ARHGAP18: variants seen among roughly 807,000 people sequenced by gnomAD.
ARHGAP18 encodes Rho GTPase activating protein 18.
A neutral mutation model predicts 86.2 loss-of-function variants in ARHGAP18; 67 were observed. The ratio of observed to expected loss-of-function variants is 0.78; its 90% confidence interval spans 0.64 to 0.95. ARHGAP18 has a LOEUF of 0.95. Among genes scored for constraint, ARHGAP18 ranks in the 40% least tolerant of loss-of-function variants. The pLI is 0.00. For synonymous variants in ARHGAP18, 283 were observed against 280.4 expected (o/e 1.01, Z -0.09); for missense variants, 691 against 780.4 (o/e 0.89, Z 1.37).
chr6:129,669,821 A>G (rs1206582315), intron 1 of ARHGAP18, among the ~76,000 whole-genome samples: 4 of 152,120 alleles, frequency 2.6e-5, no homozygotes, highest in Non-Finnish European at 5.9e-5. Context: ...AATAACTAAA[A>G]TAATATAGAT....
intron 1 of ARHGAP18, among the ~76,000 whole-genome samples, chr6:129,649,553 CAAAAAAAAAAA>C (rs35700328): frequency 1.4e-4 from 7 of 49,992 alleles, no homozygotes; most frequent in African/African-American, 4.8e-4. Context: ...TCTCTGTCTC[CAAAAAAAAAAA>C]AAAAAAAAAA....
intron 13 of ARHGAP18, among the ~76,000 whole-genome samples, chr6:129,581,408 C>T (rs1287308413): frequency 6.6e-6 from 1 of 152,072 alleles, no homozygotes. Context: ...ATAATTTAAT[C>T]ATTATTATTT....
intron 10 of ARHGAP18, among the ~76,000 whole-genome samples, chr6:129,605,574 TAAG>T (rs1470713639): frequency 3.3e-5 from 5 of 151,340 alleles, no homozygotes; most frequent in Non-Finnish European, 7.4e-5. Flanking sequence ...AAAAAAGAAA[TAAG>T]AAGGAGAAAA....
Position 129,638,457 on chromosome 6 carries a change from G to C in ARHGAP18, c.489C>G (p.Asn163Lys), listed in dbSNP as rs1562704815. ...TGACGTCAGGAATCTGGTACTGTTT[G>C]TTTTTTTTCCTCAAGGTCTGGGAGA... ...ETVSQTLRKK[N>K]KQYQIPDVRD... Residue 163 changes from asparagine (N) to lysine (K), a missense_variant, in exon 3 of 15, where the codon AAC (asparagine) becomes AAG (lysine). Coordinates refer to ENST00000368149, the MANE Select transcript of ARHGAP18 (RefSeq NM_033515.3). The C allele has an allele frequency of 1.2e-6, 2 of 1,613,826 alleles. No individual in the cohort carries two copies. The highest frequency in any genetic ancestry group is 1.7e-6 in the Non-Finnish European group (2 of 1,179,958).
chr6:129,625,212 T>C (rs1399003048), intron 5 of ARHGAP18, among the ~76,000 whole-genome samples: 1 of 57,400 alleles, frequency 1.7e-5, no homozygotes, highest in Non-Finnish European at 3.0e-5. Flanking sequence ...TTATATGTAA[T>C]ATATATGATA....
intron 9 of ARHGAP18, among the ~76,000 whole-genome samples, chr6:129,607,070 G>T (rs747197372): frequency 4.7e-4 from 71 of 151,946 alleles, no homozygotes; most frequent in Non-Finnish European, 5.9e-4. Context: ...ATATTGGCCA[G>T]GTTGGTCTTG....
chr6:129,627,464 C>A (rs895554185), intron 5 of ARHGAP18, among the ~76,000 whole-genome samples: 2 of 152,080 alleles, frequency 1.3e-5, no homozygotes, highest in African/African-American at 2.4e-5. Flanking sequence ...GACTCCCCCC[C>A]AAAAAAGTGA....
rs746642535 is a variant in ARHGAP18 at position 129,580,137 on chromosome 6, A to C, written c.1839-6T>G. The C allele has an allele frequency of 1.2e-6, 2 of 1,612,922 alleles. No homozygotes were observed. Among genetic ancestry groups the C allele is most frequent in the Admixed American group, 3.3e-5 (2 of 59,946 alleles). On this transcript the variant is annotated splice_region_variant and splice_polypyrimidine_tract_variant and intron_variant, in intron 13 of 14. Transcript: ENST00000368149. ...TGAGAGTCTGGGCAACCCCACTATG[A>C]GGGACAAAACAAACCGATTAGTTGT...
chr6:129,590,503 A>T (rs1198261800), intron 12 of ARHGAP18, among the ~76,000 whole-genome samples: 1 of 152,156 alleles, frequency 6.6e-6, no homozygotes, highest in African/African-American at 2.4e-5. Context: ...TTTTGCCAAG[A>T]TGGGAAGCAG....
intron 9 of ARHGAP18, among the ~76,000 whole-genome samples, chr6:129,606,611 C>T (rs964028109): frequency 2.0e-5 from 3 of 152,034 alleles, no homozygotes; most frequent in African/African-American, 7.2e-5. Context: ...TAATCCATAT[C>T]CAGGAAATGT....
rs537118596 is a variant in ARHGAP18, at chr6:129,578,487, T to C, written c.*26A>G. 16 of 1,579,180 alleles carry C rather than the reference T, an allele frequency of 1.0e-5. 1 individual carries two copies. The East Asian group carries it at 1.1e-4, about 11-fold the overall frequency. ...GCAAGAATTATGACAGAAGTCCACA[T>C]GGTTATCTGCAGCTTGTTAAGTCTT... On this transcript the variant is annotated 3_prime_UTR_variant, in exon 15 of 15. Coordinates refer to ENST00000368149, the MANE Select transcript of ARHGAP18 (RefSeq NM_033515.3).
chr6:129,623,132 T>C (rs1385287489), intron 5 of ARHGAP18, among the ~76,000 whole-genome samples: 1 of 152,046 alleles, frequency 6.6e-6, no homozygotes, highest in South Asian at 2.1e-4. Flanking sequence ...GTTGCTCTTT[T>C]GTAGGATTTG....
intron 5 of ARHGAP18, among the ~76,000 whole-genome samples, chr6:129,626,011 A>G (rs1789457797): frequency 8.4e-6 from 1 of 119,406 alleles, no homozygotes; most frequent in African/African-American, 3.2e-5. Flanking sequence ...TATCAAATAT[A>G]TATATCAAAT....
At chr6:129,622,686 C>T (rs1789254316) in intron 5 of ARHGAP18, among the ~76,000 whole-genome samples, 1 of 151,006 alleles carries the variant, frequency 6.6e-6, no homozygotes, top group African/African-American at 2.4e-5. Context: ...GAAAAGTTCT[C>T]TACCTCTTGA....
intron 1 of ARHGAP18, among the ~76,000 whole-genome samples, chr6:129,645,143 T>A (rs1191209373): frequency 1.3e-5 from 2 of 152,180 alleles, no homozygotes; most frequent in Non-Finnish European, 2.9e-5. Flanking sequence ...CACGTATTTT[T>A]TAATTTGTCT....
At chr6:129,669,215 A>G (rs1354133044) in intron 1 of ARHGAP18, among the ~76,000 whole-genome samples, 1 of 149,600 alleles carries the variant, frequency 6.7e-6, no homozygotes, top group Non-Finnish European at 1.5e-5. Context: ...TCTCTCGCCC[A>G]GGCTGGAGTG....
chr6:129,694,721 C>T (rs1584118782), intron 1 of ARHGAP18, among the ~76,000 whole-genome samples: 1 of 152,310 alleles, frequency 6.6e-6, no homozygotes, highest in Admixed American at 6.5e-5. Context: ...GTATTGTTTT[C>T]AACATGTCAC....
chr6:129,600,920 C>CAATTTTTAT (rs1286500740), intron 10 of ARHGAP18, 72 bp from the exon 11 acceptor site: 1 of 1,316,172 alleles, frequency 7.6e-7, no homozygotes, highest in Non-Finnish European at 1.0e-6. Flanking sequence ...GTAGCATATG[C>CAATTTTTAT]AATTTTTATT....
chr6:129,703,510 G>A (rs1170361633), intron 1 of ARHGAP18, among the ~76,000 whole-genome samples: 1 of 152,230 alleles, frequency 6.6e-6, no homozygotes, highest in East Asian at 1.9e-4. Flanking sequence ...AGGTGTGGGT[G>A]GGGATGGTTC....
Sources: gnomAD v4.1 joint callset for allele counts (sites outside exome capture counted in the v4.1 genomes callset) on GRCh38, gnomAD v4.1.1 for gene constraint, MANE v1.5 for transcripts, NCBI Gene and HGNC (gene_info 2026-07-23, HGNC 2026-07-21) for gene names.